Variants in TMEFF2 observed in about 807,000 individuals in gnomAD.
The protein encoded by TMEFF2 is transmembrane protein with EGF like and two follistatin like domains 2.
Under a neutral mutation model 53.8 loss-of-function variants are expected in TMEFF2, and 28 were observed. The observed-to-expected ratio is 0.52, with a 90% CI of 0.39 to 0.71. TMEFF2 has a LOEUF of 0.71. Ranked by LOEUF, TMEFF2 falls within the 30% of genes least tolerant of loss-of-function variation. The pLI is 0.00. For missense variants in TMEFF2, 353 were observed against 455.2 expected (o/e 0.78, Z 2.04); for synonymous variants, 162 against 166.3 (o/e 0.97, Z 0.20).
chr2:191,989,523 A>G (rs997457874), intron 7 of TMEFF2, among the ~76,000 whole-genome samples: 1 of 152,192 alleles, frequency 6.6e-6, no homozygotes. Flanking sequence ...TAACCTCAGT[A>G]TAACTGGGCT....
At position 191,949,411 on chromosome 2, in the gene TMEFF2, C is replaced by CTTCTT. The variant is rs1484360750; in HGVS notation, c.*895_*899dup. On this transcript the variant is annotated 3_prime_UTR_variant, in exon 10 of 10. Transcript: ENST00000272771. ...CATGGGGTATTGGTTGTGATTCTAA[C>CTTCTT]TTCTTTTCAAAGAACTATATACTAT... 5.0e-5 allele frequency: 49 copies of CTTCTT among 985,270 alleles called. No homozygotes were observed. The highest frequency in any genetic ancestry group is 5.9e-5 in the Non-Finnish European group (49 of 829,908). The allele number at this position is 985,270 out of a possible 1,614,324, so 61.0% of individuals were successfully genotyped here.
At chr2:192,081,316 G>A (rs899650471) in intron 4 of TMEFF2, among the ~76,000 whole-genome samples, 1 of 152,108 alleles carries the variant, frequency 6.6e-6, no homozygotes, top group East Asian at 1.9e-4. Flanking sequence ...TGAAAATGCA[G>A]GGCATGAAAA....
chr2:192,064,406 T>C (rs2105910069), intron 4 of TMEFF2, among the ~76,000 whole-genome samples: 1 of 151,974 alleles, frequency 6.6e-6, no homozygotes, highest in Middle Eastern at 3.4e-3. Context: ...ACAGCCATTC[T>C]ACTCTTTTGT....
chr2:191,994,203 T>C (rs1214212393), intron 7 of TMEFF2, among the ~76,000 whole-genome samples: 2 of 151,998 alleles, frequency 1.3e-5, no homozygotes, highest in African/African-American at 4.8e-5. Flanking sequence ...ACAATTCTGA[T>C]TTTATGTTTT....
In TMEFF2 at chr2:192,070,020, ATATATATATATATATATATAT is replaced by A. The variant is rs1688258541; in HGVS notation, c.440-12266_440-12246del. ...TATATATATATATATATATATATAT[ATATATATATATATATATATAT>A]ATGTCTTCACGTTTGGGGGGAAAAT... On this transcript the variant is annotated intron_variant, in intron 4 of 9. Coordinates refer to ENST00000272771, the MANE Select transcript of TMEFF2 (RefSeq NM_016192.4). 3.5e-5 allele frequency among the ~76,000 whole-genome samples: 3 copies of A among 86,466 alleles called. No homozygotes were observed. The South Asian group carries it at 1.0e-3, about 29-fold the overall frequency. The allele number at this position is 86,466 out of a possible 152,430, so 56.7% of individuals were successfully genotyped here. A position where few individuals can be genotyped will look rare whatever the true frequency, so the allele number is the denominator to read the frequency against.
chr2:192,147,217 A>T (rs1466863060), intron 4 of TMEFF2, among the ~76,000 whole-genome samples: 2 of 152,038 alleles, frequency 1.3e-5, no homozygotes, highest in East Asian at 3.9e-4. Flanking sequence ...CTGAAGATTA[A>T]ATCACAGTGG....
At chr2:192,190,287 T>G (rs1368407478) in intron 2 of TMEFF2, among the ~76,000 whole-genome samples, 1 of 152,206 alleles carries the variant, frequency 6.6e-6, no homozygotes, top group Non-Finnish European at 1.5e-5. Flanking sequence ...ATTTGATACT[T>G]TTTATGAGTT....
chr2:192,145,673 T>C (rs964222392), intron 4 of TMEFF2, among the ~76,000 whole-genome samples: 2 of 151,988 alleles, frequency 1.3e-5, no homozygotes, highest in Admixed American at 1.3e-4. Context: ...AGGTCACAGA[T>C]TCTAGGCACA....
rs375824345 is a variant in TMEFF2 at position 192,021,822 on chromosome 2, A to T, written c.537-22614T>A. 5.3e-5 allele frequency: 8 copies of T among 152,288 alleles called. No individual in the cohort carries two copies. In the East Asian group the frequency reaches 1.3e-3, roughly 26 times the overall value. The allele number at this position is 152,288 out of a possible 1,614,324, so 9.4% of individuals were successfully genotyped here. ...GTGTGAGCTGAAGTAAGGAGGATAG[A>T]TGTCTTCGGATACGAAAAAAGCAAA... On this transcript the variant is annotated intron_variant, in intron 5 of 9. Coordinates refer to ENST00000272771, the MANE Select transcript of TMEFF2 (RefSeq NM_016192.4).
At chr2:192,042,232 A>G (rs1244733599) in intron 5 of TMEFF2, among the ~76,000 whole-genome samples, 1 of 152,144 alleles carries the variant, frequency 6.6e-6, no homozygotes. Flanking sequence ...ACAGATCTTC[A>G]TAACAGAAAT....
chr2:192,194,923 C>A lies in TMEFF2; in HGVS notation c.-399G>T. ...CAGCCGCCTCTCGAGCTCTGCCGCC[C>A]GCATCCCTCTGGCGTTTGGGAAGCA... On this transcript the variant is annotated 5_prime_UTR_variant, in exon 1 of 10. Transcript: ENST00000272771. The surrounding 1 kb of genome is among the most constrained non-coding windows in gnomAD (Gnocchi z 4.2). 1 of 211,582 alleles carries A rather than the reference C, an allele frequency of 4.7e-6. No homozygotes were observed. Among genetic ancestry groups the A allele is most frequent in the Non-Finnish European group, 9.5e-6 (1 of 104,814 alleles). The allele number at this position is 211,582 out of a possible 1,614,324, so 13.1% of individuals were successfully genotyped here. A position where few individuals can be genotyped will look rare whatever the true frequency, so the allele number is the denominator to read the frequency against.
intron 7 of TMEFF2, 42 bp downstream of exon 7, chr2:191,998,198 ACCATTTCCCAGGACTCTCTTTT>A: frequency 1.5e-6 from 2 of 1,298,246 alleles, no homozygotes; most frequent in Admixed American, 4.2e-5. Flanking sequence ...GTAGTAAACA[ACCATTTCCCAGGACTCTCTTTT>A]AATAGAAGAG....
intron 5 of TMEFF2, among the ~76,000 whole-genome samples, chr2:191,999,710 C>T (rs570398028): frequency 3.9e-5 from 6 of 151,946 alleles, no homozygotes; most frequent in East Asian, 3.9e-4. Flanking sequence ...TAAATAAGGA[C>T]GCACATAAAA....
At chr2:192,058,513 A>G (rs1687966851) in intron 4 of TMEFF2, among the ~76,000 whole-genome samples, 1 of 152,180 alleles carries the variant, frequency 6.6e-6, no homozygotes, top group Non-Finnish European at 1.5e-5. Context: ...ACAAGTGCAA[A>G]AATAGGCAAT....
chr2:191,950,445 C>G, intron 9 of TMEFF2, 38 bp from the exon 10 acceptor site: 9 of 1,613,780 alleles, frequency 5.6e-6, no homozygotes, highest in Non-Finnish European at 7.6e-6. Context: ...CAGTCCAATG[C>G]TATTACCTAA....
At chr2:192,054,779 A>C (rs1002481717) in intron 5 of TMEFF2, among the ~76,000 whole-genome samples, 2 of 151,944 alleles carry the variant, frequency 1.3e-5, no homozygotes, top group Non-Finnish European at 2.9e-5. Flanking sequence ...AGTTACTTTC[A>C]CCTCGTATCT....
intron 9 of TMEFF2, 44 bp from the exon 10 acceptor site, chr2:191,950,451 C>G (rs1259919325): frequency 1.2e-6 from 2 of 1,613,542 alleles, no homozygotes; most frequent in South Asian, 2.2e-5. Context: ...AATGCTATTA[C>G]CTAAAGTTTG....
intron 7 of TMEFF2, among the ~76,000 whole-genome samples, chr2:191,978,227 A>G (rs1685776521): frequency 6.6e-6 from 1 of 152,046 alleles, no homozygotes; most frequent in East Asian, 1.9e-4. Context: ...CTGTTACTCA[A>G]TTTATCGAGA....
At chr2:191,975,243 A>G (rs897145770) in intron 7 of TMEFF2, among the ~76,000 whole-genome samples, 7 of 132,718 alleles carry the variant, frequency 5.3e-5, no homozygotes, top group Admixed American at 4.2e-4. Flanking sequence ...GAAGGTCATC[A>G]GGTGATTTTT....
Sources: allele counts gnomAD v4.1 joint callset (sites outside exome capture counted in the v4.1 genomes callset), GRCh38; gene constraint gnomAD v4.1.1; non-coding constraint Gnocchi (gnomAD v3.1); transcripts MANE v1.5; gene names NCBI Gene and HGNC (gene_info 2026-07-23, HGNC 2026-07-21).